SPIRE2: variants seen among roughly 807,000 people sequenced by gnomAD.
The protein encoded by SPIRE2 is protein spire homolog 2.
A neutral mutation model predicts 80.7 loss-of-function variants in SPIRE2; 76 were observed. That is an observed-to-expected ratio of 0.94 (90% confidence interval 0.78 to 1.14). The LOEUF is 1.14. Ranked by LOEUF, SPIRE2 falls within the 50% of genes most tolerant of loss-of-function variation. The pLI is 0.00. For synonymous variants in SPIRE2, 535 were observed against 432.6 expected (o/e 1.24, Z -2.94); for missense variants, 1,196 against 1,015.3 (o/e 1.18, Z -2.42).
rs1567678352 is a variant in SPIRE2 at position 89,863,699 on chromosome 16, TG to T, written c.1710+90del. On this transcript the variant is annotated intron_variant, in intron 11 of 14. Transcript: ENST00000378247. This position sits in a 1 kb window ranked among gnomAD's most constrained non-coding sequence, Gnocchi z 4.3. ...GCCAGTTCCCAGGACTGTTTGCTCA[TG>T]ATCTGGTTGGGAGCCCTGAGGGGGT... is the stretch of plus-strand genomic sequence containing the variant. The T allele has an allele frequency of 6.2e-7, 1 of 1,610,896 alleles. No homozygotes were observed. The highest frequency in any genetic ancestry group is 8.5e-7 in the Non-Finnish European group (1 of 1,177,210).
Position 89,828,657 on chromosome 16 carries a change from A to G in SPIRE2, c.107A>G (p.Asn36Ser), listed in dbSNP as rs1462016225. The G allele has an allele frequency of 7.3e-7, 1 of 1,373,218 alleles. No individual in the cohort carries two copies. The highest frequency in any genetic ancestry group is 9.5e-7 in the Non-Finnish European group (1 of 1,053,066). The allele number at this position is 1,373,218 out of a possible 1,614,324, so 85.1% of individuals were successfully genotyped here. ...EVLKAYEQPL[N>S]EEQAWAVCFQ... is the part of the protein sequence containing the mutation. ...CTGAAGGCCTACGAGCAGCCGCTCA[A>G]CGAGGAGCAGGCGTGGGCCGTGTGC... The change falls in exon 1 of 15, where the codon AAC becomes AGC. Residue 36 changes from asparagine (N) to serine (S), a missense_variant. By Grantham distance (46) the Asn-to-Ser change is conservative. Transcript: ENST00000378247. This position sits in a 1 kb window ranked among gnomAD's most constrained non-coding sequence, Gnocchi z 5.9.
chr16:89,856,032 G>A, intron 6 of SPIRE2, 81 bp from the exon 7 acceptor site: 1 of 1,567,666 alleles, frequency 6.4e-7, no homozygotes, highest in Non-Finnish European at 8.6e-7. Flanking sequence ...CCCCACCACA[G>A]GTCCCGCTTC....
In SPIRE2 at chr16:89,856,252, G is replaced by C; in HGVS notation, c.1102+16G>C. ...GCTGCCCGCGGTGAGTGAGGGGATG[G>C]CAGGAGAAGAGAGCCCTGAGCCCCC... On this transcript the variant is annotated intron_variant, in intron 7 of 14. Coordinates refer to ENST00000378247, the MANE Select transcript of SPIRE2 (RefSeq NM_032451.2). 6.4e-7 allele frequency: 1 copy of C among 1,557,994 alleles called. No individual in the cohort carries two copies.
Position 89,850,502 on chromosome 16 carries a change from C to G in SPIRE2, c.487C>G (p.Arg163Gly). Residue 163 changes from arginine to glycine, a missense_variant, in exon 3 of 15, where the codon CGC (arginine) becomes GGC (glycine). Coordinates refer to ENST00000378247, the MANE Select transcript of SPIRE2 (RefSeq NM_032451.2). Reference sequence around the variant, plus strand: ...GGAGGAGGAGGCCGAGGGCGTCCCCCGCAGCGTGCGCACCTTTGCCCAGGC... The same window carrying G: ...GGAGGAGGAGGCCGAGGGCGTCCCCGGCAGCGTGCGCACCTTTGCCCAGGC... ...EEEEEAEGVP[R>G]SVRTFAQAMR... The G allele has an allele frequency of 6.6e-7, 1 of 1,525,490 alleles. No homozygotes were observed. Among genetic ancestry groups the G allele is most frequent in the Non-Finnish European group, 8.8e-7 (1 of 1,139,740 alleles). The allele number at this position is 1,525,490 out of a possible 1,614,324, so 94.5% of individuals were successfully genotyped here. A position where few individuals can be genotyped will look rare whatever the true frequency, so the allele number is the denominator to read the frequency against.
chr16:89,863,537 G>A lies in SPIRE2; in HGVS notation c.1637G>A (p.Arg546His), dbSNP rs749863509. The stretch of plus-strand genomic sequence containing the variant: ...GTGGAAGAGGTGATGGACGTGCGCC[G>A]TGTGCTGGTGAAGGCCGAGATGGAA... ...LTVEEVMDVR[R>H]VLVKAEMEKF... Residue 546 changes from arginine (R) to histidine (H), a missense_variant, in exon 11 of 15, where the codon CGT becomes CAT. By Grantham distance (29) the Arg-to-His change is conservative. Coordinates refer to ENST00000378247, the MANE Select transcript of SPIRE2 (RefSeq NM_032451.2). This position sits in a 1 kb window ranked among gnomAD's most constrained non-coding sequence, Gnocchi z 4.3. 1.1e-4 allele frequency: 184 copies of A among 1,613,988 alleles called. No homozygotes were observed. The highest frequency in any genetic ancestry group is 1.4e-4 in the Non-Finnish European group (169 of 1,180,032).
At chr16:89,860,924 TG>T (rs764225969) in intron 10 of SPIRE2, 129 bp downstream of exon 10, 9 of 580,532 alleles carry the variant, frequency 1.6e-5, no homozygotes, top group Admixed American at 4.0e-5. Flanking sequence ...AGCGTCCGTC[TG>T]GGGGGGCGCG....
At chr16:89,854,235 C>G (rs779911282) in intron 3 of SPIRE2, 51 bp from the exon 4 acceptor site, 12 of 1,548,572 alleles carry the variant, frequency 7.7e-6, no homozygotes, top group Non-Finnish European at 1.1e-5. Flanking sequence ...GCCCGTCTTG[C>G]ATCTGCCATT....
chr16:89,851,160 C>T (rs1275971223), intron 3 of SPIRE2, among the ~76,000 whole-genome samples: 1 of 152,160 alleles, frequency 6.6e-6, no homozygotes, highest in East Asian at 1.9e-4. Context: ...GTGGTGGGCT[C>T]AGCCTCTTCC....
Position 89,859,304 on chromosome 16 carries a change from G to C in SPIRE2, c.1412G>C (p.Arg471Pro). The C allele has an allele frequency of 6.3e-7, 1 of 1,596,642 alleles. No individual in the cohort carries two copies. The highest frequency in any genetic ancestry group is 8.5e-7 in the Non-Finnish European group (1 of 1,176,700). Reference protein sequence around the residue: ...THPPGGTEPPRPRAGSAHVWR... With the variant: ...THPPGGTEPPPPRAGSAHVWR... ...CCCCCAGGAGGGACGGAGCCACCAC[G>C]GCCCCGAGCTGGCAGTGCGCATGTG... is the stretch of plus-strand genomic sequence containing the variant. Residue 471 changes from arginine to proline, a missense_variant, in exon 9 of 15, where the codon CGG (arginine) becomes CCG (proline). Arg to Pro is a moderately radical substitution (Grantham distance 103, BLOSUM62 -2). Coordinates refer to ENST00000378247, the MANE Select transcript of SPIRE2 (RefSeq NM_032451.2).
Position 89,854,367 on chromosome 16 carries a change from G to A in SPIRE2, c.726+1G>A, listed in dbSNP as rs762318778. On this transcript the variant is annotated splice_donor_variant, in intron 4 of 14. Transcript: ENST00000378247. LOFTEE classifies it high-confidence loss of function. ...GGACAGCCTGGGTCACACAGACTGGGTAAGGCTCACTCCCACCTGACCGGG... is the reference window on the plus strand; with the variant it reads ...GGACAGCCTGGGTCACACAGACTGGATAAGGCTCACTCCCACCTGACCGGG... 5.6e-6 allele frequency: 9 copies of A among 1,612,262 alleles called. No individual in the cohort carries two copies. The highest frequency in any genetic ancestry group is 7.6e-6 in the Non-Finnish European group (9 of 1,179,740).
Position 89,854,332 on chromosome 16 carries a change from G to A in SPIRE2, c.692G>A (p.Arg231Gln), listed in dbSNP as rs373339665. Residue 231 changes from arginine to glutamine, a missense_variant, in exon 4 of 15, where the codon CGG becomes CAG. Physicochemically the swap from Arg to Gln is conservative, Grantham distance 43 (BLOSUM62 1). Transcript: ENST00000378247. ...GACGAGCCGCATCTGGAGACGCCTC[G>A]GGCAGAGCTGGACAGCCTGGGTCAC... ...REDEPHLETP[R>Q]AELDSLGHTD... 41 of 1,612,534 alleles carry A rather than the reference G, an allele frequency of 2.5e-5. No homozygotes were observed. The East Asian group carries it at 4.0e-4, about 16-fold the overall frequency.
chr16:89,859,064 C>G lies in SPIRE2; in HGVS notation c.1273-101C>G, dbSNP rs1182583379. On this transcript the variant is annotated intron_variant, in intron 8 of 14. Coordinates refer to ENST00000378247, the MANE Select transcript of SPIRE2 (RefSeq NM_032451.2). Reference sequence around the variant, plus strand: ...GGGTGGAGGCTGCCCCACATCGCAGCAGACCCTGCGGCACCCCTGGGTCCT... The same window carrying G: ...GGGTGGAGGCTGCCCCACATCGCAGGAGACCCTGCGGCACCCCTGGGTCCT... 15 of 1,128,212 alleles carry G rather than the reference C, an allele frequency of 1.3e-5. 1 individual carries two copies. The highest frequency in any genetic ancestry group is 1.9e-5 in the Non-Finnish European group (15 of 807,810). The allele number at this position is 1,128,212 out of a possible 1,614,324, so 69.9% of individuals were successfully genotyped here.
intron 1 of SPIRE2, among the ~76,000 whole-genome samples, chr16:89,833,794 C>T (rs1165988576): frequency 6.6e-6 from 1 of 152,200 alleles, no homozygotes. Flanking sequence ...ACCGGATTCT[C>T]AGGGAGGGGT....
intron 1 of SPIRE2, among the ~76,000 whole-genome samples, chr16:89,840,904 TG>T (rs1440600057): frequency 4.6e-5 from 7 of 151,864 alleles, no homozygotes; most frequent in Admixed American, 1.3e-4. Context: ...CCCAAAGTGC[TG>T]GGATTACAGG....
At position 89,860,756 on chromosome 16, in the gene SPIRE2, C is replaced by T. The variant is rs201106093; in HGVS notation, c.1536C>T (p.Pro512=). The T allele has an allele frequency of 2.1e-5, 33 of 1,572,264 alleles. No homozygotes were observed. In the East Asian group the frequency reaches 2.3e-4, roughly 11 times the overall value. ...ACCGGGGCTCCTCGGGGGACAGACC[C>T]GAGGCCTCCATGACCCCCGATGCCA... ...LSNRGSSGDR[P]EASMTPDAKH... The change falls in exon 10 of 15, where the codon CCC becomes CCT. Residue 512 remains proline, a synonymous_variant. Coordinates refer to ENST00000378247, the MANE Select transcript of SPIRE2 (RefSeq NM_032451.2).
At chr16:89,860,923 C>T in intron 10 of SPIRE2, 128 bp downstream of exon 10, 1 of 586,356 alleles carries the variant, frequency 1.7e-6, no homozygotes, top group Admixed American at 3.9e-5. Context: ...GAGCGTCCGT[C>T]TGGGGGGGCG....
At chr16:89,853,864 A>G (rs1336115402) in intron 3 of SPIRE2, among the ~76,000 whole-genome samples, 1 of 152,208 alleles carries the variant, frequency 6.6e-6, no homozygotes, top group African/African-American at 2.4e-5. Context: ...GCAGCAGCTC[A>G]TCCACCCTCC....
intron 10 of SPIRE2, 126 bp downstream of exon 10, chr16:89,860,921 G>A (rs1214902450): frequency 1.4e-5 from 8 of 587,468 alleles, no homozygotes; most frequent in South Asian, 6.9e-5. Flanking sequence ...CTGAGCGTCC[G>A]TCTGGGGGGG....
At position 89,863,282 on chromosome 16, in the gene SPIRE2, C is replaced by T. The variant is rs2041760072; in HGVS notation, c.1576-194C>T. The T allele has an allele frequency of 1.4e-5, 9 of 644,156 alleles. No individual in the cohort carries two copies. Among genetic ancestry groups the T allele is most frequent in the Non-Finnish European group, 1.8e-5 (7 of 380,076 alleles). 39.9% of individuals were successfully genotyped at this position (644,156 alleles called of 1,614,324 possible). Reference sequence around the variant, plus strand: ...GCAGGGTCCGCTGGTCATGGGAGGCCTGGCCTGCAGCAGCAGGGCCCATCA... The same window carrying T: ...GCAGGGTCCGCTGGTCATGGGAGGCTTGGCCTGCAGCAGCAGGGCCCATCA... On this transcript the variant is annotated intron_variant, in intron 10 of 14. Coordinates refer to ENST00000378247, the MANE Select transcript of SPIRE2 (RefSeq NM_032451.2). The surrounding 1 kb of genome is among the most constrained non-coding windows in gnomAD (Gnocchi z 4.3).
Sources: gnomAD v4.1 joint callset for allele counts (sites outside exome capture counted in the v4.1 genomes callset) on GRCh38, gnomAD v4.1.1 for gene constraint, Gnocchi (gnomAD v3.1) non-coding constraint, MANE v1.5 for transcripts, NCBI Gene and HGNC (gene_info 2026-07-23, HGNC 2026-07-21) for gene names.